The following SRGAP3 variants were observed in gnomAD, a reference collection of about 807,000 sequenced individuals.
The protein encoded by SRGAP3 is SLIT-ROBO Rho GTPase activating protein 3.
In SRGAP3, 39 loss-of-function variants were observed where a neutral mutation model predicts 121.1. The observed-to-expected ratio is 0.32, with a 90% CI of 0.25 to 0.42. The LOEUF (loss-of-function observed/expected upper bound fraction) is 0.42, where lower values mean the gene tolerates loss of function less well. Among genes scored for constraint, SRGAP3 ranks in the 10% least tolerant of loss-of-function variants. The pLI is 1.00. For synonymous variants in SRGAP3, 601 were observed against 570.0 expected, an observed-to-expected ratio of 1.05 and a Z score of -0.77; for missense variants, 1,213 against 1,470.6, an observed-to-expected ratio of 0.82 and a Z score of 2.86.
At chr3:9,074,135 C>T (rs1289271949) in intron 4 of SRGAP3, among the ~76,000 whole-genome samples, 2 of 152,046 alleles carry the variant, frequency 1.3e-5, no homozygotes, top group Admixed American at 1.3e-4. Context: ...GAATGGGAAA[C>T]GAAGGAGGAG....
At chr3:8,990,371 G>A (rs781187749) in intron 21 of SRGAP3, 141 bp downstream of exon 21, 21 of 1,100,022 alleles carry the variant, frequency 1.9e-5, no homozygotes, top group African/African-American at 1.6e-4. Flanking sequence ...AGCAAGGGAC[G>A]GGGAGGCCAC....
At chr3:9,077,322 C>A (rs1947020130) in intron 4 of SRGAP3, among the ~76,000 whole-genome samples, 1 of 152,124 alleles carries the variant, frequency 6.6e-6, no homozygotes, top group Non-Finnish European at 1.5e-5. Flanking sequence ...TCATGATCCC[C>A]CACTGTGCCC....
intron 7 of SRGAP3, 58 bp from the exon 8 acceptor site, chr3:9,056,392 GCTA>G: frequency 1.9e-6 from 3 of 1,558,640 alleles, no homozygotes; most frequent in Non-Finnish European, 2.6e-6. Context: ...CCTGTGTGGA[GCTA>G]GGGCAGGGGC....
At chr3:9,089,559 A>G (rs1947655376) in intron 3 of SRGAP3, among the ~76,000 whole-genome samples, 1 of 152,174 alleles carries the variant, frequency 6.6e-6, no homozygotes, top group Non-Finnish European at 1.5e-5. Flanking sequence ...GACACCACCT[A>G]CCTGTCCAAT....
chr3:9,275,198 C>A (rs1445507625), intron 3 of SRGAP3, among the ~76,000 whole-genome samples: 6 of 152,000 alleles, frequency 3.9e-5, no homozygotes, highest in Non-Finnish European at 7.4e-5. Flanking sequence ...CTTCATAAAA[C>A]TTCCTTTAAA....
chr3:9,168,889 T>C (rs1210630517), intron 1 of SRGAP3, among the ~76,000 whole-genome samples: 6 of 152,260 alleles, frequency 3.9e-5, no homozygotes, highest in Admixed American at 3.3e-4. Flanking sequence ...GTTAGGAGCA[T>C]GAACCCTGGA....
chr3:9,234,359 G>T (rs1450240573), intron 1 of SRGAP3, among the ~76,000 whole-genome samples: 2 of 152,124 alleles, frequency 1.3e-5, no homozygotes, highest in East Asian at 3.9e-4. Context: ...GCTTGGAAGT[G>T]TCCTACCGAG....
intron 3 of SRGAP3, among the ~76,000 whole-genome samples, chr3:9,317,435 T>A (rs940123770): frequency 6.6e-6 from 1 of 152,218 alleles, no homozygotes; most frequent in African/African-American, 2.4e-5. Flanking sequence ...CTTCTCCCCA[T>A]CTCACTGTTT....
Position 8,983,734 on chromosome 3 carries a change from G to T in SRGAP3, c.*1785C>A, listed in dbSNP as rs895512897. The T allele has an allele frequency of 2.2e-5, 5 of 230,546 alleles. No individual in the cohort carries two copies. The highest frequency in any genetic ancestry group is 5.7e-5 in the Admixed American group (1 of 17,686). 14.3% of individuals were successfully genotyped at this position (230,546 alleles called of 1,614,324 possible). ...CATTGTATTGATTCAGTGTTTTCCA[G>T]TGTACACAGCTTGCTCACTGATGTT... On this transcript the variant is annotated 3_prime_UTR_variant, in exon 22 of 22. Transcript: ENST00000383836.
chr3:9,024,084 G>C (rs1388362496), intron 14 of SRGAP3, among the ~76,000 whole-genome samples: 1 of 152,158 alleles, frequency 6.6e-6, no homozygotes, highest in African/African-American at 2.4e-5. Flanking sequence ...AGAATTCTAT[G>C]GGTGGAAACA....
chr3:9,203,706 C>T lies in SRGAP3; in HGVS notation c.67+45179G>A, dbSNP rs149883857. Among the ~76,000 whole-genome samples the T allele has an allele frequency of 4.1e-3, 617 of 152,294 alleles. 1 individual carries two copies. The highest frequency in any genetic ancestry group is 6.6e-3 in the Non-Finnish European group (452 of 68,038). On this transcript the variant is annotated intron_variant, in intron 1 of 21. Transcript: ENST00000383836. ...TATTCAATATTGTATGCCCCTGTGC[C>T]CACCTCAGAGCCTGGAACATGGTAA...
intron 18 of SRGAP3, among the ~76,000 whole-genome samples, chr3:9,004,623 G>A (rs7630959): frequency 0.03 from 4,633 of 152,266 alleles, 217 homozygotes; most frequent in African/African-American, 0.1. Context: ...CCATACACCT[G>A]TAGTCAAAGG....
At chr3:9,088,162 A>C (rs1034180195) in intron 3 of SRGAP3, among the ~76,000 whole-genome samples, 12 of 152,282 alleles carry the variant, frequency 7.9e-5, no homozygotes, top group African/African-American at 2.9e-4. Context: ...CTAAGTGATA[A>C]TGTATTCGCT....
intron 1 of SRGAP3, among the ~76,000 whole-genome samples, chr3:9,191,602 A>T (rs1387923128): frequency 6.6e-6 from 1 of 152,254 alleles, no homozygotes; most frequent in Non-Finnish European, 1.5e-5. Context: ...AGGGAATTCA[A>T]GGCAGAAGGA....
At chr3:9,085,651 T>C (rs1025048353) in intron 3 of SRGAP3, among the ~76,000 whole-genome samples, 2 of 152,202 alleles carry the variant, frequency 1.3e-5, no homozygotes, top group African/African-American at 2.4e-5. Flanking sequence ...AATGAAATCA[T>C]GTCCTTTACA....
At chr3:9,095,474 C>T (rs1343297846) in intron 3 of SRGAP3, among the ~76,000 whole-genome samples, 1 of 152,048 alleles carries the variant, frequency 6.6e-6, no homozygotes, top group Non-Finnish European at 1.5e-5. Context: ...AAGGTAAAGG[C>T]CTTATATTTT....
At chr3:9,169,635 A>G (rs1950906980) in intron 1 of SRGAP3, among the ~76,000 whole-genome samples, 2 of 152,380 alleles carry the variant, frequency 1.3e-5, no homozygotes, top group East Asian at 1.9e-4. Context: ...ATGAGTCTCA[A>G]CACTTGGGAA....
chr3:9,045,760 T>C (rs1021185307), intron 10 of SRGAP3, among the ~76,000 whole-genome samples: 9 of 152,158 alleles, frequency 5.9e-5, no homozygotes, highest in African/African-American at 2.2e-4. Context: ...TAAAAGAAGA[T>C]CTAGTTTTCC....
intron 3 of SRGAP3, among the ~76,000 whole-genome samples, chr3:9,325,446 G>A (rs1035891013): frequency 2.0e-5 from 3 of 151,910 alleles, no homozygotes; most frequent in Admixed American, 2.0e-4. Flanking sequence ...AGCTGCACAT[G>A]TACTTTTCTG....
Sources: allele counts gnomAD v4.1 joint callset (sites outside exome capture counted in the v4.1 genomes callset), GRCh38; gene constraint gnomAD v4.1.1; transcripts MANE v1.5; gene names NCBI Gene and HGNC (gene_info 2026-07-23, HGNC 2026-07-21).